Variants in CFAP58 observed in about 807,000 individuals in gnomAD.
CFAP58 encodes cilia and flagella associated protein 58.
Under a neutral mutation model 119.5 loss-of-function variants are expected in CFAP58, and 88 were observed. That is an observed-to-expected ratio of 0.74 (90% CI 0.62 to 0.88). The LOEUF (loss-of-function observed/expected upper bound fraction) is 0.88, where lower values mean the gene tolerates loss of function less well. CFAP58 is among the 40% of genes least tolerant of loss of function. The pLI is 0.00. For missense variants in CFAP58, 990 were observed against 1,021.2 expected, an observed-to-expected ratio of 0.97 and a Z score of 0.42; for synonymous variants, 365 against 366.3, an observed-to-expected ratio of 1.00 and a Z score of 0.04.
the CFAP58 span, among the ~76,000 whole-genome samples, chr10:104,342,666 C>CAAAAAAAAAAA: frequency 2.2e-5 from 2 of 90,534 alleles, no homozygotes; most frequent in African/African-American, 3.9e-5. Context: ...CCCGTCTATA[C>CAAAAAAAAAAA]AAAAAAAAAA....
chr10:104,400,812 G>A lies in CFAP58; in HGVS notation c.1948G>A (p.Glu650Lys). The stretch of plus-strand genomic sequence containing the variant: ...GGAGAGCCAGTACAACCAGAGGTTG[G>A]AGGACATGAGAATCCTCAGACTTGA... ...KGESQYNQRL[E>K]DMRILRLEIK... Residue 650 changes from glutamate to lysine, a missense_variant, in exon 13 of 18, where the codon GAG becomes AAG. Coordinates refer to ENST00000369704, the MANE Select transcript of CFAP58 (RefSeq NM_001008723.2). The A allele has an allele frequency of 1.2e-6, 2 of 1,614,172 alleles. No individual in the cohort carries two copies. The highest frequency in any genetic ancestry group is 1.7e-6 in the Non-Finnish European group (2 of 1,180,022).
Position 104,353,922 on chromosome 10 carries a change from C to T in CFAP58, c.9+16C>T. On this transcript the variant is annotated intron_variant, in intron 1 of 17. Transcript: ENST00000369704. ...GATGGCTGAGGTCAGGAGTCAGCGC[C>T]CCTCTGTCGCCTTTCCCTTGACCCC... The T allele has an allele frequency of 6.2e-7, 1 of 1,613,472 alleles. No homozygotes were observed. The highest frequency in any genetic ancestry group is 8.5e-7 in the Non-Finnish European group (1 of 1,179,454).
chr10:104,376,327 C>G (rs1380208119), intron 7 of CFAP58, among the ~76,000 whole-genome samples: 1 of 151,544 alleles, frequency 6.6e-6, no homozygotes, highest in Non-Finnish European at 1.5e-5. Context: ...TAGTCCTCAC[C>G]TGTCTTTACT....
At chr10:104,339,678 A>G in the CFAP58 span, among the ~76,000 whole-genome samples, 5,327 of 152,292 alleles carry the variant, frequency 0.035, 116 homozygotes, top group Non-Finnish European at 0.055. Context: ...AAAATGTTCT[A>G]AAAATAGACT....
At chr10:104,435,975 G>A (rs1444550402) in intron 15 of CFAP58, among the ~76,000 whole-genome samples, 1 of 152,054 alleles carries the variant, frequency 6.6e-6, no homozygotes, top group Non-Finnish European at 1.5e-5. Context: ...GAGGCTTGAC[G>A]TGCCAGAGTC....
chr10:104,447,170 CT>C (rs1476333662), intron 15 of CFAP58, among the ~76,000 whole-genome samples: 3 of 146,844 alleles, frequency 2.0e-5, no homozygotes, highest in Non-Finnish European at 4.5e-5. Context: ...TTGTATTTTT[CT>C]TTTTTTCCTC....
At chr10:104,385,630 A>G (rs1032576531) in intron 9 of CFAP58, among the ~76,000 whole-genome samples, 3 of 152,114 alleles carry the variant, frequency 2.0e-5, no homozygotes, top group African/African-American at 7.2e-5. Context: ...CAGACTGGGC[A>G]ACATAGGAGA....
the CFAP58 span, among the ~76,000 whole-genome samples, chr10:104,343,951 C>T: frequency 2.0e-5 from 3 of 152,166 alleles, no homozygotes; most frequent in African/African-American, 7.2e-5. Context: ...GTATGTTGCC[C>T]AGGCTGGTCT....
chr10:104,380,553 A>G (rs2011771354), intron 9 of CFAP58, among the ~76,000 whole-genome samples: 1 of 151,972 alleles, frequency 6.6e-6, no homozygotes, highest in African/African-American at 2.4e-5. Context: ...TCAACTCTCC[A>G]GTCTCCGCAC....
rs1038184124 is a variant in CFAP58 at position 104,399,211 on chromosome 10, G to A, written c.1675-149G>A. On this transcript the variant is annotated intron_variant, in intron 11 of 17. Transcript: ENST00000369704. Reference sequence around the variant, plus strand: ...GTGTGTGTGTGTGTGTTGTAAGCTTGTTTTGCTTGTGAGAGTGATCAAACT... The same window carrying A: ...GTGTGTGTGTGTGTGTTGTAAGCTTATTTTGCTTGTGAGAGTGATCAAACT... 14 of 662,622 alleles carry A rather than the reference G, an allele frequency of 2.1e-5. No homozygotes were observed. In the African/African-American group the frequency reaches 2.6e-4, roughly 12 times the overall value. 41.0% of individuals were successfully genotyped at this position (662,622 alleles called of 1,614,324 possible). A position where few individuals can be genotyped will look rare whatever the true frequency, so the allele number is the denominator to read the frequency against.
intron 11 of CFAP58, among the ~76,000 whole-genome samples, 183 bp from the exon 12 acceptor site, chr10:104,399,177 T>TGA (rs1417727669): frequency 7.4e-6 from 1 of 135,424 alleles, no homozygotes; most frequent in Non-Finnish European, 1.5e-5. Flanking sequence ...TCTTTATGAG[T>TGA]GTGTGTGTGT....
chr10:104,405,751 T>C (rs970441008), intron 14 of CFAP58, among the ~76,000 whole-genome samples: 3 of 152,216 alleles, frequency 2.0e-5, no homozygotes, highest in Admixed American at 1.3e-4. Flanking sequence ...TGAATCTTCC[T>C]GTTGACAATT....
chr10:104,385,077 C>T (rs1038406292), intron 9 of CFAP58, among the ~76,000 whole-genome samples: 4 of 152,080 alleles, frequency 2.6e-5, no homozygotes, highest in Non-Finnish European at 5.9e-5. Flanking sequence ...GTTGTGATTG[C>T]ACTTTGGTGG....
intron 9 of CFAP58, among the ~76,000 whole-genome samples, chr10:104,390,463 G>T (rs2012011223): frequency 6.6e-6 from 1 of 152,150 alleles, no homozygotes; most frequent in Non-Finnish European, 1.5e-5. Flanking sequence ...TTTACTCATT[G>T]AATAACTTTG....
intron 15 of CFAP58, among the ~76,000 whole-genome samples, chr10:104,446,867 A>G (rs1302103006): frequency 6.6e-6 from 1 of 152,242 alleles, no homozygotes; most frequent in Non-Finnish European, 1.5e-5. Context: ...TATTGTTTAA[A>G]TAAAGTTACA....
At chr10:104,381,150 A>AGAAC (rs1554917150) in intron 9 of CFAP58, among the ~76,000 whole-genome samples, 3 of 152,034 alleles carry the variant, frequency 2.0e-5, no homozygotes, top group African/African-American at 7.3e-5. Context: ...ATCCTGTCTC[A>AGAAC]AAACAAACAA....
intron 17 of CFAP58, among the ~76,000 whole-genome samples, chr10:104,451,353 C>A (rs1250182354): frequency 6.6e-6 from 1 of 152,168 alleles, no homozygotes; most frequent in Non-Finnish European, 1.5e-5. Flanking sequence ...CATTTAGATG[C>A]CAGTTCCATG....
chr10:104,377,225 A>G (rs998527227), intron 8 of CFAP58, among the ~76,000 whole-genome samples: 8 of 152,208 alleles, frequency 5.3e-5, no homozygotes, highest in Non-Finnish European at 1.5e-5. Context: ...TCTGAATTTA[A>G]TATCTATAAT....
chr10:104,341,765 G>T, the CFAP58 span, among the ~76,000 whole-genome samples: 1 of 151,978 alleles, frequency 6.6e-6, no homozygotes, highest in African/African-American at 2.4e-5. Context: ...GAGAAAAATG[G>T]AAAGATCATC....
Sources: allele counts gnomAD v4.1 joint callset (sites outside exome capture counted in the v4.1 genomes callset), GRCh38; gene constraint gnomAD v4.1.1; transcripts MANE v1.5; gene names NCBI Gene and HGNC (gene_info 2026-07-23, HGNC 2026-07-21).